The following PTPRN2 variants were observed in gnomAD, a reference collection of about 807,000 sequenced individuals.
PTPRN2 encodes the protein receptor-type tyrosine-protein phosphatase N2.
A neutral mutation model predicts 118.8 loss-of-function variants in PTPRN2; 74 were observed. The ratio of observed to expected loss-of-function variants is 0.62; its 90% CI spans 0.52 to 0.76. PTPRN2 has a LOEUF of 0.76. PTPRN2 is among the 30% of genes least tolerant of loss of function. The probability of loss-of-function intolerance (pLI) is 0.00; values close to 1 mark genes in which losing one functional copy is unlikely to be tolerated. For synonymous variants in PTPRN2, 641 were observed against 608.0 expected (o/e 1.05, Z -0.80); for missense variants, 1,481 against 1,394.4 (o/e 1.06, Z -0.99).
rs1036914821 is a variant in PTPRN2, at chr7:157,785,783, A to C, written c.1789-102846T>G. Among the ~76,000 whole-genome samples the C allele has an allele frequency of 6.6e-6, 1 of 152,108 alleles. No individual in the cohort carries two copies. The highest frequency in any genetic ancestry group is 1.9e-4 in the East Asian group (1 of 5,178). ...CCAGGTACACAGTCTAGCAGCTGCC[A>C]CGCCCGGCTGGGAGCTGAGACGCGC... On this transcript the variant is annotated intron_variant, in intron 12 of 22. Coordinates refer to ENST00000389418, the MANE Select transcript of PTPRN2 (RefSeq NM_002847.5). This position sits in a 1 kb window ranked among gnomAD's most constrained non-coding sequence, Gnocchi z 7.3.
Position 157,842,489 on chromosome 7 carries a change from A to G in PTPRN2, c.1788+56184T>C, listed in dbSNP as rs550858092. ...GAGTGCAGTGGCATGATCTTGGCTC[A>G]CCGCAACCTCCACCTCCCGTATTCA... On this transcript the variant is annotated intron_variant, in intron 12 of 22. Transcript: ENST00000389418. 1.0e-4 allele frequency among the ~76,000 whole-genome samples: 14 copies of G among 139,062 alleles called. No homozygotes were observed. In the South Asian group the frequency reaches 2.7e-3, roughly 26 times the overall value. 91.2% of individuals were successfully genotyped at this position (139,062 alleles called of 152,430 possible).
At chr7:158,077,739 G>A (rs1477132562) in intron 11 of PTPRN2, among the ~76,000 whole-genome samples, 2 of 152,198 alleles carry the variant, frequency 1.3e-5, no homozygotes, top group African/African-American at 2.4e-5. Flanking sequence ...GAGGGTCTCT[G>A]CAGACTGGGA....
At position 157,801,281 on chromosome 7, in the gene PTPRN2, C is replaced by T. The variant is rs1231796843; in HGVS notation, c.1788+97392G>A. ...TTCCGCTTAGCGCTGCCTTCGAGAT[C>T]AGTCTCTCGACCCCTGTTAGGAGCA... On this transcript the variant is annotated intron_variant, in intron 12 of 22. Transcript: ENST00000389418. The surrounding 1 kb of genome is among the most constrained non-coding windows in gnomAD (Gnocchi z 4.2). 6.6e-6 allele frequency among the ~76,000 whole-genome samples: 1 copy of T among 152,126 alleles called. No individual in the cohort carries two copies. Among genetic ancestry groups the T allele is most frequent in the Non-Finnish European group, 1.5e-5 (1 of 68,034 alleles).
At chr7:158,082,247 T>C (rs1812899406) in intron 10 of PTPRN2, among the ~76,000 whole-genome samples, 2 of 152,142 alleles carry the variant, frequency 1.3e-5, no homozygotes, top group African/African-American at 2.4e-5. Flanking sequence ...TGAAACTGGG[T>C]ACCATGTAGC....
chr7:158,087,626 T>A (rs62480177), intron 10 of PTPRN2, among the ~76,000 whole-genome samples: 1 of 34,766 alleles, frequency 2.9e-5, no homozygotes, highest in African/African-American at 4.6e-5. Context: ...CCTCCCCTGA[T>A]GAAGGAGGGA....
chr7:158,029,125 ACCACTCGCCGTGGGCACGGGGTCCGTAT>A (rs1253916468), intron 11 of PTPRN2: 9 of 149,242 alleles, frequency 6.0e-5, no homozygotes, highest in Non-Finnish European at 1.0e-4. Flanking sequence ...CAGCCTCCCC[ACCACTCGCCGTGGGCACGGGGTCCGTAT>A]CCACTCGCCG....
intron 6 of PTPRN2, among the ~76,000 whole-genome samples, chr7:158,149,277 C>A (rs986465702): frequency 2.0e-5 from 3 of 152,092 alleles, no homozygotes; most frequent in African/African-American, 4.8e-5. Flanking sequence ...ACCAAAAGAC[C>A]TCCAAACTTT....
intron 1 of PTPRN2, among the ~76,000 whole-genome samples, chr7:158,578,340 G>A (rs1197620809): frequency 6.7e-6 from 1 of 149,348 alleles, no homozygotes; most frequent in African/African-American, 2.5e-5. Flanking sequence ...TATAATCTCA[G>A]CAGTTTGGGA....
At chr7:158,440,817 A>AGTG (rs1384800696) in intron 2 of PTPRN2, among the ~76,000 whole-genome samples, 21 of 28,914 alleles carry the variant, frequency 7.3e-4, no homozygotes, top group African/African-American at 2.2e-3. Flanking sequence ...TGGTGGTAGT[A>AGTG]GTAGTGGTGG....
At chr7:158,305,017 T>C (rs1354277826) in intron 3 of PTPRN2, among the ~76,000 whole-genome samples, 1 of 152,230 alleles carries the variant, frequency 6.6e-6, no homozygotes, top group Non-Finnish European at 1.5e-5. Context: ...TCTGCCATGT[T>C]GGTACCTTAT....
intron 2 of PTPRN2, among the ~76,000 whole-genome samples, chr7:158,456,410 G>A (rs1436186796): frequency 6.6e-6 from 1 of 150,400 alleles, no homozygotes; most frequent in African/African-American, 2.5e-5. Flanking sequence ...CAGCACGGAC[G>A]CCATCGGCCA....
chr7:157,935,119 G>T (rs987835995), intron 11 of PTPRN2, among the ~76,000 whole-genome samples: 4 of 152,170 alleles, frequency 2.6e-5, no homozygotes, highest in Non-Finnish European at 5.9e-5. Context: ...CTACAAATGT[G>T]CTTATGTTAA....
intron 12 of PTPRN2, among the ~76,000 whole-genome samples, chr7:157,758,762 G>C (rs577424575): frequency 2.1e-5 from 3 of 143,078 alleles, no homozygotes; most frequent in African/African-American, 5.0e-5. Flanking sequence ...AGCTCCCCAC[G>C]CTACCCCCCA....
chr7:158,212,092 T>G (rs1173186014), intron 3 of PTPRN2, among the ~76,000 whole-genome samples: 1 of 152,164 alleles, frequency 6.6e-6, no homozygotes, highest in Non-Finnish European at 1.5e-5. Context: ...AATCATTATG[T>G]TAAGTGAAAT....
rs1203075510 is a variant in PTPRN2, at chr7:158,587,590, A to G, written c.80T>C (p.Val27Ala). 1.1e-5 allele frequency: 14 copies of G among 1,331,732 alleles called. No individual in the cohort carries two copies. Among genetic ancestry groups the G allele is most frequent in the South Asian group, 5.7e-5 (3 of 52,570 alleles). The allele number at this position is 1,331,732 out of a possible 1,614,324, so 82.5% of individuals were successfully genotyped here. The change falls in exon 1 of 23, where the codon GTC becomes GCC. Residue 27 changes from valine to alanine, a missense_variant. Around this residue, in one of 3 missense-constraint regions of PTPRN2, gnomAD observed 1,115 missense variants for 994.2 expected, o/e 1.12. Coordinates refer to ENST00000389418, the MANE Select transcript of PTPRN2 (RefSeq NM_002847.5). ...CCCCGGGAGCTGCCGGCCGCGGGGG[A>G]CGGACGAAGGGGCGGCAGGCAGGAC... Reference protein sequence around the residue: ...PRVLPAAPSSVPRGRQLPGRL... With the variant: ...PRVLPAAPSSAPRGRQLPGRL...
intron 1 of PTPRN2, among the ~76,000 whole-genome samples, chr7:158,495,607 C>A (rs1821783484): frequency 6.6e-6 from 1 of 152,210 alleles, no homozygotes; most frequent in Admixed American, 6.5e-5. Context: ...GGAGTCCCCA[C>A]ACCCCACTGA....
intron 12 of PTPRN2, among the ~76,000 whole-genome samples, chr7:157,756,072 A>G (rs960429215): frequency 4.6e-5 from 7 of 152,188 alleles, no homozygotes; most frequent in African/African-American, 1.7e-4. Flanking sequence ...CTGCACAAAA[A>G]TAGTTTTAAC....
chr7:158,458,639 G>A (rs1563318688), intron 2 of PTPRN2, among the ~76,000 whole-genome samples: 1 of 152,168 alleles, frequency 6.6e-6, no homozygotes, highest in East Asian at 1.9e-4. Flanking sequence ...CCAGAACCAT[G>A]ATCGTCCCCA....
rs1797457490 is a variant in PTPRN2, at chr7:157,690,997, A to C, written c.1789-8060T>G. 1.4e-5 allele frequency among the ~76,000 whole-genome samples: 2 copies of C among 141,414 alleles called. No individual in the cohort carries two copies. The highest frequency in any genetic ancestry group is 2.2e-4 in the South Asian group (1 of 4,536). 92.8% of individuals were successfully genotyped at this position (141,414 alleles called of 152,430 possible). On this transcript the variant is annotated intron_variant, in intron 12 of 22. Coordinates refer to ENST00000389418, the MANE Select transcript of PTPRN2 (RefSeq NM_002847.5). This position sits in a 1 kb window ranked among gnomAD's most constrained non-coding sequence, Gnocchi z 7.1. ...GCGCGGCCGCCGCGCCCCGCCTTAT[A>C]TCCGGCCCGGCGCGCACCCGGCCGG...
Sources: allele counts gnomAD v4.1 joint callset (sites outside exome capture counted in the v4.1 genomes callset), GRCh38; gene constraint gnomAD v4.1.1; regional missense constraint gnomAD v4.1.1; non-coding constraint Gnocchi (gnomAD v3.1); transcripts MANE v1.5; gene names NCBI Gene and HGNC (gene_info 2026-07-23, HGNC 2026-07-21).